Variants in PCDHA8 observed in about 807,000 individuals in gnomAD.
PCDHA8 encodes the protein protocadherin alpha 8.
PCDHA8 carries 53 observed loss-of-function variants against 61.8 expected under a neutral mutation model. That is an observed-to-expected ratio of 0.86 (90% CI 0.69 to 1.08). PCDHA8 has a LOEUF of 1.08. PCDHA8 is among the 50% of genes least tolerant of loss of function. PCDHA8 has a pLI of 0.00. For synonymous variants in PCDHA8, 618 were observed against 556.6 expected (o/e 1.11, Z -1.55); for missense variants, 1,293 against 1,245.0 (o/e 1.04, Z -0.58).
chr5:140,920,387 A>G (rs1163833842), intron 1 of PCDHA8, among the ~76,000 whole-genome samples: 3 of 152,098 alleles, frequency 2.0e-5, no homozygotes, highest in African/African-American at 7.2e-5. Context: ...TCATATTACC[A>G]TCTGGTGTCT....
chr5:140,882,972 T>C, intron 1 of PCDHA8: 1 of 1,614,190 alleles, frequency 6.2e-7, no homozygotes, highest in Non-Finnish European at 8.5e-7. Context: ...ATTCTGGACG[T>C]GAATGACAAC....
intron 1 of PCDHA8, among the ~76,000 whole-genome samples, chr5:140,945,222 A>T (rs1019202574): frequency 4.6e-5 from 7 of 152,260 alleles, no homozygotes; most frequent in Middle Eastern, 6.8e-3. Context: ...AAATAAAAAT[A>T]CTTAGGAATA....
chr5:140,897,677 G>T (rs1390475923), intron 1 of PCDHA8, among the ~76,000 whole-genome samples: 1 of 152,168 alleles, frequency 6.6e-6, no homozygotes, highest in African/African-American at 2.4e-5. Flanking sequence ...ATAGCAGCAT[G>T]ATTTATAGTC....
At chr5:140,969,410 T>C (rs528910445) in intron 1 of PCDHA8, 12 of 1,572,752 alleles carry the variant, frequency 7.6e-6, no homozygotes, top group South Asian at 1.2e-5. Flanking sequence ...TTTGGCTTTA[T>C]TGAGTCATTA....
At chr5:140,933,592 G>T (rs1034374854) in intron 1 of PCDHA8, among the ~76,000 whole-genome samples, 2 of 151,986 alleles carry the variant, frequency 1.3e-5, no homozygotes, top group Non-Finnish European at 2.9e-5. Context: ...TTTTTAGGTT[G>T]ATTTGTCTTT....
At position 141,007,395 on chromosome 5, in the gene PCDHA8, CAAAA is replaced by C. The variant is rs35800918; in HGVS notation, c.2543-2212_2543-2209del. Among the ~76,000 whole-genome samples the C allele has an allele frequency of 1.2e-3, 116 of 94,838 alleles. No homozygotes were observed. In the Middle Eastern group the frequency reaches 0.016, roughly 13 times the overall value. 62.2% of individuals were successfully genotyped at this position (94,838 alleles called of 152,430 possible). ...ATGGAACACCATCTCTACTAAAATA[CAAAA>C]AAAAAAAAAAAAAAAAAAATTAGCC... is the stretch of plus-strand genomic sequence containing the variant. On this transcript the variant is annotated intron_variant, in intron 3 of 3. Coordinates refer to ENST00000531613, the MANE Select transcript of PCDHA8 (RefSeq NM_018911.3).
At chr5:140,849,211 C>A in intron 1 of PCDHA8, 1 of 1,031,972 alleles carries the variant, frequency 9.7e-7, no homozygotes, top group East Asian at 2.6e-5. Context: ...AATGACAATG[C>A]CCCAGTGTTC....
In PCDHA8 at chr5:140,843,038, AC is replaced by A. The variant is rs1778505968; in HGVS notation, c.1718del (p.Thr573MetfsTer19). On this transcript the variant is annotated frameshift_variant, in exon 1 of 4. Coordinates refer to ENST00000531613, the MANE Select transcript of PCDHA8 (RefSeq NM_018911.3). LOFTEE classifies it high-confidence loss of function. Reference sequence around the variant, plus strand: ...ACTGCTGGAGCCTCGGGTGGGTGGCACTGGTGGCGCAGCGAGCAAGCTGGTG... The same window carrying A: ...ACTGCTGGAGCCTCGGGTGGGTGGCATGGTGGCGCAGCGAGCAAGCTGGTG... Reference protein sequence around the residue: ...PALLEPRVGGTGGAASKLVPR... With the variant: ...PALLEPRVGGXGGAASKLVPR... 4.4e-6 allele frequency: 7 copies of A among 1,595,166 alleles called. 1 individual carries two copies. The highest frequency in any genetic ancestry group is 6.0e-6 in the Non-Finnish European group (7 of 1,165,358).
intron 3 of PCDHA8, among the ~76,000 whole-genome samples, chr5:140,995,275 A>G (rs1383239362): frequency 6.6e-6 from 1 of 152,146 alleles, no homozygotes; most frequent in African/African-American, 2.4e-5. Context: ...GCCCTTTGAT[A>G]CCAAAACAGC....
chr5:140,894,778 T>C (rs1477645245), intron 1 of PCDHA8, among the ~76,000 whole-genome samples: 1 of 152,140 alleles, frequency 6.6e-6, no homozygotes, highest in Non-Finnish European at 1.5e-5. Flanking sequence ...TTTAGTGTAA[T>C]TATTTGTCCT....
chr5:140,897,997 G>C (rs1174176296), intron 1 of PCDHA8, among the ~76,000 whole-genome samples: 1 of 152,168 alleles, frequency 6.6e-6, no homozygotes, highest in Non-Finnish European at 1.5e-5. Context: ...CTTTTGAGAA[G>C]TGTCTGTTCA....
intron 3 of PCDHA8, among the ~76,000 whole-genome samples, chr5:140,992,867 C>T (rs2097531825): frequency 6.6e-6 from 1 of 152,184 alleles, no homozygotes; most frequent in Admixed American, 6.5e-5. Context: ...CTCTAGCTCC[C>T]TCCTTGATAT....
chr5:140,850,016 C>A, intron 1 of PCDHA8: 1 of 1,596,912 alleles, frequency 6.3e-7, no homozygotes. Context: ...TGTCGAGCTA[C>A]GTGTCAGTGC....
chr5:141,004,148 C>T (rs971282591), intron 3 of PCDHA8, among the ~76,000 whole-genome samples: 1 of 152,222 alleles, frequency 6.6e-6, no homozygotes, highest in African/African-American at 2.4e-5. Context: ...AAAGGCATGA[C>T]ATTTTATAGG....
chr5:140,854,269 G>C, intron 1 of PCDHA8: 2 of 577,018 alleles, frequency 3.5e-6, no homozygotes, highest in Non-Finnish European at 4.4e-6. Flanking sequence ...TACATTAGTA[G>C]AAATTGAGTT....
intron 3 of PCDHA8, among the ~76,000 whole-genome samples, chr5:140,993,994 A>T (rs1393081374): frequency 6.6e-6 from 1 of 152,234 alleles, no homozygotes; most frequent in African/African-American, 2.4e-5. Context: ...CACTTAGGTC[A>T]GGCCAGGCTC....
chr5:140,898,632 C>T (rs2066885282), intron 1 of PCDHA8, among the ~76,000 whole-genome samples: 1 of 152,158 alleles, frequency 6.6e-6, no homozygotes, highest in Non-Finnish European at 1.5e-5. Flanking sequence ...ATAATGCCTC[C>T]AGCTTTGTTC....
At chr5:140,884,501 G>T (rs2060219226) in intron 1 of PCDHA8, 2 of 1,614,146 alleles carry the variant, frequency 1.2e-6, no homozygotes, top group Non-Finnish European at 1.7e-6. Context: ...CTCCAGCGCG[G>T]CAGGGAGTTG....
At chr5:140,941,191 T>TTTCTTTCTTTC (rs1487503403) in intron 1 of PCDHA8, among the ~76,000 whole-genome samples, 64 of 93,246 alleles carry the variant, frequency 6.9e-4, no homozygotes, top group South Asian at 4.2e-3. Context: ...GCTTCTTTTT[T>TTTCTTTCTTTC]TTTCTTTCTT....
Sources: gnomAD v4.1 joint callset for allele counts (sites outside exome capture counted in the v4.1 genomes callset) on GRCh38, gnomAD v4.1.1 for gene constraint, MANE v1.5 for transcripts, NCBI Gene and HGNC (gene_info 2026-07-23, HGNC 2026-07-21) for gene names.